LRBA: variants seen among roughly 807,000 people sequenced by gnomAD.
LRBA encodes the protein lipopolysaccharide-responsive and beige-like anchor protein.
LRBA carries 176 observed loss-of-function variants against 330.0 expected under a neutral mutation model. The observed-to-expected ratio is 0.53, with a 90% confidence interval of 0.47 to 0.60. The LOEUF (loss-of-function observed/expected upper bound fraction) is 0.60, where lower values mean the gene tolerates loss of function less well. LRBA is among the 20% of genes least tolerant of loss of function. LRBA has a pLI of 0.00. For missense variants in LRBA, 3,259 were observed against 3,444.8 expected (o/e 0.95, Z 1.35); for synonymous variants, 1,230 against 1,193.0 (o/e 1.03, Z -0.64).
At chr4:150,630,038 T>A (rs1241627522) in intron 37 of LRBA, among the ~76,000 whole-genome samples, 1 of 152,152 alleles carries the variant, frequency 6.6e-6, no homozygotes, top group Non-Finnish European at 1.5e-5. Flanking sequence ...TCCACCCCCA[T>A]CATGTTGACA....
chr4:150,789,764 C>T (rs990598806), intron 34 of LRBA, among the ~76,000 whole-genome samples: 9 of 152,008 alleles, frequency 5.9e-5, no homozygotes, highest in Non-Finnish European at 1.3e-4. Flanking sequence ...AATTCCTTAA[C>T]TTCAGTAGAT....
At chr4:150,972,123 TA>T (rs1739648435) in intron 2 of LRBA, among the ~76,000 whole-genome samples, 1 of 152,174 alleles carries the variant, frequency 6.6e-6, no homozygotes, top group African/African-American at 2.4e-5. Flanking sequence ...GTAATATATG[TA>T]AAACCAGCCT....
chr4:150,272,123 G>A (rs949522454), intron 56 of LRBA, among the ~76,000 whole-genome samples: 1 of 152,168 alleles, frequency 6.6e-6, no homozygotes, highest in African/African-American at 2.4e-5. Flanking sequence ...AGCTTCCAGA[G>A]GAAGGAACTG....
chr4:150,954,007 G>GGCC (rs1261354270), intron 2 of LRBA, among the ~76,000 whole-genome samples: 3 of 135,936 alleles, frequency 2.2e-5, no homozygotes, highest in African/African-American at 5.5e-5. Flanking sequence ...GTCTCTGACC[G>GGCC]GCCACCCCGT....
At chr4:150,887,258 AG>A (rs1207122448) in intron 17 of LRBA, among the ~76,000 whole-genome samples, 2 of 152,222 alleles carry the variant, frequency 1.3e-5, no homozygotes, top group African/African-American at 2.4e-5. Context: ...TAAAACACAA[AG>A]AAAAAGTCCA....
chr4:150,308,303 C>T (rs1426300176), intron 52 of LRBA, among the ~76,000 whole-genome samples: 1 of 152,154 alleles, frequency 6.6e-6, no homozygotes, highest in Non-Finnish European at 1.5e-5. Context: ...TTCCTGTCAC[C>T]TATTGACATC....
chr4:151,007,714 A>G (rs752993982), intron 2 of LRBA, among the ~76,000 whole-genome samples: 7 of 150,788 alleles, frequency 4.6e-5, no homozygotes, highest in Non-Finnish European at 4.4e-5. Flanking sequence ...AAAATTAGCC[A>G]GGCGTGGTGG....
chr4:150,797,054 C>A (rs540667257), intron 34 of LRBA, among the ~76,000 whole-genome samples: 1 of 151,952 alleles, frequency 6.6e-6, no homozygotes, highest in African/African-American at 2.4e-5. Flanking sequence ...TTACAAAAAT[C>A]CATTAGGTGT....
At chr4:150,422,543 C>T (rs1179983512) in intron 46 of LRBA, 1 of 473,866 alleles carries the variant, frequency 2.1e-6, no homozygotes, top group Non-Finnish European at 3.9e-6. Context: ...TCCTGACCCA[C>T]ACTATCCTCT....
intron 40 of LRBA, among the ~76,000 whole-genome samples, chr4:150,503,485 A>C (rs575358802): frequency 2.2e-4 from 34 of 152,248 alleles, no homozygotes; most frequent in African/African-American, 7.9e-4. Context: ...GTTTGGTAGA[A>C]CTGGGTCTGG....
intron 50 of LRBA, among the ~76,000 whole-genome samples, chr4:150,316,284 A>G (rs1471082478): frequency 1.3e-5 from 2 of 152,188 alleles, no homozygotes; most frequent in African/African-American, 4.8e-5. Context: ...AAGGAGATGA[A>G]TAACAAAAAT....
chr4:150,835,832 C>A (rs1294312580), intron 28 of LRBA, among the ~76,000 whole-genome samples: 2 of 152,160 alleles, frequency 1.3e-5, no homozygotes, highest in African/African-American at 4.8e-5. Flanking sequence ...GAACTTCCAA[C>A]ACTATGTTGA....
intron 36 of LRBA, among the ~76,000 whole-genome samples, chr4:150,720,151 C>T (rs1728737896): frequency 6.6e-6 from 1 of 151,878 alleles, no homozygotes; most frequent in Non-Finnish European, 1.5e-5. Context: ...TTGTCTAAGC[C>T]AACAGAATAT....
intron 47 of LRBA, among the ~76,000 whole-genome samples, chr4:150,383,491 T>G (rs1257671543): frequency 6.6e-6 from 1 of 152,176 alleles, no homozygotes. Context: ...TGGACTCAAG[T>G]GATCCTCCTC....
chr4:150,643,872 A>T (rs115416013), intron 37 of LRBA, among the ~76,000 whole-genome samples: 2,839 of 152,014 alleles, frequency 0.019, 45 homozygotes, highest in Non-Finnish European at 0.028. Context: ...TTTTATTGGA[A>T]CAGAGCCATA....
intron 40 of LRBA, among the ~76,000 whole-genome samples, chr4:150,546,987 A>G (rs1202022947): frequency 6.6e-6 from 1 of 152,238 alleles, no homozygotes; most frequent in Non-Finnish European, 1.5e-5. Flanking sequence ...TAAACAAAAC[A>G]TATTTAATTC....
chr4:150,549,524 G>A (rs570207796), intron 40 of LRBA, among the ~76,000 whole-genome samples: 113 of 151,934 alleles, frequency 7.4e-4, no homozygotes, highest in African/African-American at 2.5e-3. Context: ...GTAGAGACAG[G>A]GTTTCACCGT....
At chr4:150,811,924 G>A (rs769209245) in intron 31 of LRBA, among the ~76,000 whole-genome samples, 2 of 152,112 alleles carry the variant, frequency 1.3e-5, no homozygotes, top group South Asian at 4.1e-4. Context: ...CACTACCCTA[G>A]AAGTAATGCC....
intron 40 of LRBA, among the ~76,000 whole-genome samples, chr4:150,559,905 T>TCTATATAAA (rs1768058879): frequency 1.7e-5 from 1 of 57,326 alleles, no homozygotes; most frequent in Non-Finnish European, 3.3e-5. Context: ...TTATATATAA[T>TCTATATAAA]TATATATAAT....
Sources: allele counts gnomAD v4.1 joint callset (sites outside exome capture counted in the v4.1 genomes callset), GRCh38; gene constraint gnomAD v4.1.1; transcripts MANE v1.5; gene names NCBI Gene and HGNC (gene_info 2026-07-23, HGNC 2026-07-21).